Variants in TBC1D14 observed in about 807,000 individuals in gnomAD.
TBC1D14 encodes TBC1 domain family member 14, also known as TBC1 domain family, member 14.
A neutral mutation model predicts 79.0 loss-of-function variants in TBC1D14; 26 were observed. The ratio of observed to expected loss-of-function variants is 0.33; its 90% CI spans 0.24 to 0.46. The LOEUF (loss-of-function observed/expected upper bound fraction) is 0.46. Among genes scored for constraint, TBC1D14 ranks in the 20% least tolerant of loss-of-function variants. The pLI is 1.00. For synonymous variants in TBC1D14, 394 were observed against 349.9 expected, an observed-to-expected ratio of 1.13 and a Z score of -1.40; for missense variants, 769 against 887.6, an observed-to-expected ratio of 0.87 and a Z score of 1.70.
intron 9 of TBC1D14, among the ~76,000 whole-genome samples, chr4:7,007,926 C>T (rs1302458329): frequency 1.3e-5 from 2 of 152,172 alleles, no homozygotes; most frequent in Non-Finnish European, 2.9e-5. Flanking sequence ...TCAGAGGGAT[C>T]CAGGAGAGGC....
At chr4:6,917,304 G>A (rs76477765) in intron 1 of TBC1D14, among the ~76,000 whole-genome samples, 5 of 152,214 alleles carry the variant, frequency 3.3e-5, no homozygotes, top group Admixed American at 3.3e-4. Flanking sequence ...ATAGTTCCCA[G>A]AAATGATGAG....
At chr4:6,940,474 G>C (rs980866506) in intron 2 of TBC1D14, among the ~76,000 whole-genome samples, 18 of 152,300 alleles carry the variant, frequency 1.2e-4, no homozygotes, top group African/African-American at 4.3e-4. Context: ...CCAGGTGGCA[G>C]GTGGGGGTGC....
intron 7 of TBC1D14, among the ~76,000 whole-genome samples, chr4:7,004,191 C>A (rs1026909421): frequency 2.0e-5 from 3 of 152,156 alleles, no homozygotes; most frequent in African/African-American, 7.2e-5. Context: ...TTAACTATTA[C>A]CAAACCACCC....
At position 6,924,101 on chromosome 4, in the gene TBC1D14, T is replaced by C; in HGVS notation, c.712T>C (p.Phe238Leu). ...KLKILGPFSNFFARNLLARKQ... is the reference protein window; with the variant it reads ...KLKILGPFSNLFARNLLARKQ... ...GAAAATATTGGGGCCATTTAGTAACTTCTTTGCAAGGTAATGCCATCTTTG... is the reference window on the plus strand; with the variant it reads ...GAAAATATTGGGGCCATTTAGTAACCTCTTTGCAAGGTAATGCCATCTTTG... Residue 238 changes from phenylalanine (F) to leucine (L), a missense_variant, in exon 2 of 14, where the codon TTC becomes CTC. Transcript: ENST00000409757. The C allele has an allele frequency of 6.2e-7, 1 of 1,611,856 alleles. No individual in the cohort carries two copies. Among genetic ancestry groups the C allele is most frequent in the Non-Finnish European group, 8.5e-7 (1 of 1,178,936 alleles).
intron 2 of TBC1D14, 124 bp downstream of exon 2, chr4:6,924,235 TTGG>T (rs1360435604): frequency 1.5e-6 from 2 of 1,349,514 alleles, no homozygotes; most frequent in Admixed American, 2.9e-5. Flanking sequence ...ACACAGATAA[TTGG>T]GTCTTTTCCC....
At chr4:6,934,147 G>A (rs541946537) in intron 2 of TBC1D14, among the ~76,000 whole-genome samples, 8 of 152,086 alleles carry the variant, frequency 5.3e-5, no homozygotes, top group Non-Finnish European at 8.8e-5. Flanking sequence ...GTTGGCATTG[G>A]AGGTGGTTTG....
At chr4:6,962,382 T>C (rs781034924) in intron 2 of TBC1D14, among the ~76,000 whole-genome samples, 1 of 152,108 alleles carries the variant, frequency 6.6e-6, no homozygotes, top group Non-Finnish European at 1.5e-5. Context: ...ATCGATTGTT[T>C]ACTTGCCGTG....
intron 13 of TBC1D14, among the ~76,000 whole-genome samples, chr4:7,026,634 C>T (rs1179244235): frequency 6.6e-6 from 1 of 152,176 alleles, no homozygotes; most frequent in South Asian, 2.1e-4. Context: ...CAGTGGCTCA[C>T]ACCTGTAATC....
chr4:7,002,617 C>A (rs545526869), intron 7 of TBC1D14, among the ~76,000 whole-genome samples: 1 of 152,174 alleles, frequency 6.6e-6, no homozygotes, highest in Non-Finnish European at 1.5e-5. Context: ...CAGTGGCCCC[C>A]GCTAGCACTG....
chr4:6,964,043 A>G (rs968452065), intron 2 of TBC1D14, among the ~76,000 whole-genome samples: 4 of 151,902 alleles, frequency 2.6e-5, no homozygotes, highest in African/African-American at 9.7e-5. Context: ...CAATCCACCC[A>G]CCTCGGCCTC....
At chr4:6,986,976 C>A (rs865902900) in intron 3 of TBC1D14, among the ~76,000 whole-genome samples, 1 of 152,244 alleles carries the variant, frequency 6.6e-6, no homozygotes, top group Non-Finnish European at 1.5e-5. Context: ...CAACACGTTT[C>A]TCAGCTCTCG....
chr4:6,998,617 C>T (rs1015638923), intron 5 of TBC1D14, among the ~76,000 whole-genome samples: 1 of 151,924 alleles, frequency 6.6e-6, no homozygotes, highest in African/African-American at 2.4e-5. Context: ...CGGCTCACTG[C>T]AACCTCTGTC....
chr4:6,931,902 T>C (rs1176280522), intron 2 of TBC1D14, among the ~76,000 whole-genome samples: 1 of 152,030 alleles, frequency 6.6e-6, no homozygotes, highest in African/African-American at 2.4e-5. Context: ...GTGCTGATGG[T>C]AAACACAGTG....
At chr4:6,945,511 G>A (rs945503975) in intron 2 of TBC1D14, among the ~76,000 whole-genome samples, 1 of 152,164 alleles carries the variant, frequency 6.6e-6, no homozygotes, top group African/African-American at 2.4e-5. Flanking sequence ...CACTTTGGGA[G>A]GCTGAGGTGG....
In TBC1D14 at chr4:6,923,524, G is replaced by A. The variant is rs1724028517; in HGVS notation, c.135G>A (p.Glu45=). Residue 45 remains glutamate (E), a synonymous_variant, in exon 2 of 14, where the codon GAG becomes GAA. Coordinates refer to ENST00000409757, the MANE Select transcript of TBC1D14 (RefSeq NM_020773.3). ...CGCCCCGACTCCTCTCCGCGCCTGA[G>A]TACGGGCCCAAGCTGAAACTCAGGG... ...LKAPRLLSAP[E]YGPKLKLRAL... The A allele has an allele frequency of 6.2e-7, 1 of 1,614,184 alleles. No homozygotes were observed. Among genetic ancestry groups the A allele is most frequent in the Non-Finnish European group, 8.5e-7 (1 of 1,180,038 alleles).
chr4:6,987,398 C>G (rs1336446524), intron 3 of TBC1D14: 9 of 1,379,672 alleles, frequency 6.5e-6, no homozygotes, highest in Non-Finnish European at 8.5e-6. Context: ...CAGGCCTGCC[C>G]GGTCCCGTGG....
At chr4:6,932,632 A>G (rs1290305548) in intron 2 of TBC1D14, among the ~76,000 whole-genome samples, 1 of 152,128 alleles carries the variant, frequency 6.6e-6, no homozygotes, top group Admixed American at 6.6e-5. Context: ...TGTCTTTTCG[A>G]GATGGGGTCT....
chr4:6,989,345 A>G (rs1718246308), intron 3 of TBC1D14, among the ~76,000 whole-genome samples: 1 of 152,088 alleles, frequency 6.6e-6, no homozygotes, highest in Non-Finnish European at 1.5e-5. Flanking sequence ...AGAGCAAAAC[A>G]ACTTTGACTC....
At chr4:6,942,927 G>C (rs1458912697) in intron 2 of TBC1D14, among the ~76,000 whole-genome samples, 2 of 152,156 alleles carry the variant, frequency 1.3e-5, no homozygotes, top group Non-Finnish European at 2.9e-5. Flanking sequence ...TTGAGTGGCA[G>C]GCAAAATTCC....
Sources: gnomAD v4.1 joint callset for allele counts (sites outside exome capture counted in the v4.1 genomes callset) on GRCh38, gnomAD v4.1.1 for gene constraint, MANE v1.5 for transcripts, NCBI Gene and HGNC (gene_info 2026-07-23, HGNC 2026-07-21) for gene names.